Variants in TBC1D19 observed in about 807,000 individuals in gnomAD.
TBC1D19 encodes TBC1 domain family member 19.
In TBC1D19, 60 loss-of-function variants were observed where a neutral mutation model predicts 89.0. The observed-to-expected ratio is 0.67, with a 90% CI of 0.55 to 0.84. The LOEUF (loss-of-function observed/expected upper bound fraction) is 0.84. TBC1D19 is among the 40% of genes least tolerant of loss of function. The pLI is 0.00. For missense variants in TBC1D19, 500 were observed against 610.8 expected, an observed-to-expected ratio of 0.82 and a Z score of 1.91; for synonymous variants, 189 against 199.7, an observed-to-expected ratio of 0.95 and a Z score of 0.45.
chr4:26,646,692 G>T (rs969833013), intron 7 of TBC1D19, among the ~76,000 whole-genome samples: 2 of 152,100 alleles, frequency 1.3e-5, no homozygotes, highest in Non-Finnish European at 2.9e-5. Flanking sequence ...GCAAACTATC[G>T]CAAGAACAGA....
the TBC1D19 span, among the ~76,000 whole-genome samples, chr4:26,839,639 T>C: frequency 6.6e-6 from 1 of 151,982 alleles, no homozygotes; most frequent in African/African-American, 2.4e-5. Flanking sequence ...CTGGCTCAAC[T>C]TCATCACCTC....
chr4:26,665,621 TTTAAG>T (rs1050041566), intron 8 of TBC1D19, among the ~76,000 whole-genome samples: 7 of 152,080 alleles, frequency 4.6e-5, no homozygotes, highest in African/African-American at 1.4e-4. Context: ...TAAAAATTAA[TTTAAG>T]TTGTTTTGGA....
intron 15 of TBC1D19, among the ~76,000 whole-genome samples, chr4:26,735,119 C>T (rs13141260): frequency 6.7e-6 from 1 of 149,484 alleles, no homozygotes; most frequent in African/African-American, 2.5e-5. Context: ...TATGTATACA[C>T]ATGTGTGTGT....
the TBC1D19 span, among the ~76,000 whole-genome samples, chr4:26,776,993 A>G: frequency 6.6e-6 from 1 of 152,104 alleles, no homozygotes; most frequent in Non-Finnish European, 1.5e-5. Context: ...TTTTATTTCA[A>G]GAACGTTTTG....
At chr4:26,722,873 T>A (rs1717065979) in intron 15 of TBC1D19, among the ~76,000 whole-genome samples, 1 of 151,972 alleles carries the variant, frequency 6.6e-6, no homozygotes, top group South Asian at 2.1e-4. Context: ...AGGCATAGAG[T>A]GTTAACCTGC....
the TBC1D19 span, among the ~76,000 whole-genome samples, chr4:26,797,871 T>G: frequency 1.3e-5 from 2 of 152,140 alleles, no homozygotes; most frequent in African/African-American, 4.8e-5. Flanking sequence ...GATCCCTATC[T>G]CTCACCATAT....
At chr4:26,653,377 A>T (rs1174239260) in intron 7 of TBC1D19, among the ~76,000 whole-genome samples, 2 of 152,168 alleles carry the variant, frequency 1.3e-5, no homozygotes, top group African/African-American at 4.8e-5. Flanking sequence ...GTAGATGTCT[A>T]TTAGGTCCGC....
At chr4:26,815,087 A>G in the TBC1D19 span, among the ~76,000 whole-genome samples, 20 of 152,288 alleles carry the variant, frequency 1.3e-4, 1 homozygote, top group South Asian at 4.1e-3. Flanking sequence ...ATAATTTTTA[A>G]TAACAACTAT....
At chr4:26,628,613 C>T (rs1380031426) in intron 4 of TBC1D19, among the ~76,000 whole-genome samples, 1 of 152,084 alleles carries the variant, frequency 6.6e-6, no homozygotes, top group Non-Finnish European at 1.5e-5. Context: ...GAAAACCCCA[C>T]TGTCTCAGCC....
chr4:26,749,343 A>G (rs956465280), intron 19 of TBC1D19, among the ~76,000 whole-genome samples: 1 of 152,124 alleles, frequency 6.6e-6, no homozygotes, highest in Admixed American at 6.5e-5. Flanking sequence ...CCTTAAATTG[A>G]TAGCATTATA....
intron 13 of TBC1D19, among the ~76,000 whole-genome samples, chr4:26,715,269 G>T (rs918745550): frequency 6.6e-6 from 1 of 151,894 alleles, no homozygotes; most frequent in African/African-American, 2.4e-5. Flanking sequence ...TGTTCCACTC[G>T]CTGAGATCAA....
At chr4:26,618,934 T>C (rs939996592) in intron 3 of TBC1D19, among the ~76,000 whole-genome samples, 1 of 152,220 alleles carries the variant, frequency 6.6e-6, no homozygotes, top group African/African-American at 2.4e-5. Flanking sequence ...GCATTTTTCC[T>C]ATCTGGCAAC....
At chr4:26,711,564 G>A (rs906429025) in intron 13 of TBC1D19, among the ~76,000 whole-genome samples, 9 of 151,924 alleles carry the variant, frequency 5.9e-5, no homozygotes, top group Non-Finnish European at 4.4e-5. Context: ...ATCTTTTGTG[G>A]CTATATGTAG....
At chr4:26,595,228 G>A (rs973224438) in intron 1 of TBC1D19, among the ~76,000 whole-genome samples, 12 of 152,142 alleles carry the variant, frequency 7.9e-5, no homozygotes, top group African/African-American at 2.7e-4. Context: ...CCATCTGTGT[G>A]TCTTCTTTAG....
intron 4 of TBC1D19, among the ~76,000 whole-genome samples, chr4:26,622,234 TAAAGTA>T (rs113931341): frequency 0.38 from 56,822 of 151,254 alleles, 11,581 homozygotes; most frequent in Non-Finnish European, 0.47. Context: ...CCCTAAAACT[TAAAGTA>T]TAATAATAAT....
intron 7 of TBC1D19, among the ~76,000 whole-genome samples, chr4:26,656,039 GT>G (rs141943216): frequency 2.6e-5 from 4 of 151,134 alleles, no homozygotes; most frequent in South Asian, 4.2e-4. Flanking sequence ...ATTCCTAATA[GT>G]TTTTTTTTCT....
the TBC1D19 span, among the ~76,000 whole-genome samples, chr4:26,798,256 C>T: frequency 1.3e-5 from 2 of 152,160 alleles, no homozygotes; most frequent in East Asian, 3.9e-4. Context: ...CAGGAGCAGA[C>T]ATTTCTCAAA....
At chr4:26,737,239 G>C (rs1004951347) in intron 16 of TBC1D19, among the ~76,000 whole-genome samples, 1 of 151,664 alleles carries the variant, frequency 6.6e-6, no homozygotes, top group African/African-American at 2.4e-5. Context: ...TATTCTCTTG[G>C]GCAACCAAAA....
At chr4:26,764,824 A>T in the TBC1D19 span, among the ~76,000 whole-genome samples, 1 of 152,198 alleles carries the variant, frequency 6.6e-6, no homozygotes, top group African/African-American at 2.4e-5. Context: ...TTCTGAGAGA[A>T]TGGTAATTTT....
Sources: allele counts gnomAD v4.1 joint callset (sites outside exome capture counted in the v4.1 genomes callset), GRCh38; gene constraint gnomAD v4.1.1; transcripts MANE v1.5; gene names NCBI Gene and HGNC (gene_info 2026-07-23, HGNC 2026-07-21).